The following PRR12 variants were observed in gnomAD, a reference collection of about 807,000 sequenced individuals.
The protein encoded by PRR12 is proline-rich protein 12.
A neutral mutation model predicts 138.0 loss-of-function variants in PRR12; 12 were observed. The observed-to-expected ratio is 0.09, with a 90% confidence interval of 0.06 to 0.14. The LOEUF (loss-of-function observed/expected upper bound fraction) is 0.14. PRR12 is among the 10% of genes least tolerant of loss of function. PRR12 has a pLI of 1.00. For synonymous variants in PRR12, 1,567 were observed against 1,291.7 expected (o/e 1.21, Z -4.57); for missense variants, 2,692 against 2,861.3 (o/e 0.94, Z 1.35).
Position 49,614,746 on chromosome 19 carries a change from G to GT in PRR12, c.4890+98dup. ...GTGTGGCTGTGACTCACTCCACAGT[G>GT]TATCTGGAAGGGGGCCCCCTGCTGC... On this transcript the variant is annotated intron_variant, in intron 7 of 13. Coordinates refer to ENST00000418929, the MANE Select transcript of PRR12 (RefSeq NM_020719.3). The surrounding 1 kb of genome is among the most constrained non-coding windows in gnomAD (Gnocchi z 5.0). 1 of 1,490,946 alleles carries GT rather than the reference G, an allele frequency of 6.7e-7. No homozygotes were observed. Among genetic ancestry groups the GT allele is most frequent in the Non-Finnish European group, 9.2e-7 (1 of 1,092,756 alleles). 92.4% of individuals were successfully genotyped at this position (1,490,946 alleles called of 1,614,324 possible).
chr19:49,617,949 T>C (rs1415103750), intron 9 of PRR12, among the ~76,000 whole-genome samples: 1 of 151,706 alleles, frequency 6.6e-6, no homozygotes, highest in Non-Finnish European at 1.5e-5. Flanking sequence ...AATAAAAAAA[T>C]TAGCCGGGTG....
chr19:49,609,258 T>C (rs552632801), intron 6 of PRR12, among the ~76,000 whole-genome samples: 1 of 152,218 alleles, frequency 6.6e-6, no homozygotes, highest in South Asian at 2.1e-4. Context: ...TGAGCCAAGA[T>C]TGCTCGATTG....
At position 49,614,861 on chromosome 19, in the gene PRR12, T is replaced by A. The variant is rs757368407; in HGVS notation, c.4891-15T>A. ...AGTGTGAAGAATTTCCTCATGTGCC[T>A]CTTTCTCCCCATAGTATTTGGGGTA... is the stretch of plus-strand genomic sequence containing the variant. On this transcript the variant is annotated splice_polypyrimidine_tract_variant and intron_variant, in intron 7 of 13. Transcript: ENST00000418929. The surrounding 1 kb of genome is among the most constrained non-coding windows in gnomAD (Gnocchi z 5.0). 1 of 1,613,936 alleles carries A rather than the reference T, an allele frequency of 6.2e-7. No individual in the cohort carries two copies. Among genetic ancestry groups the A allele is most frequent in the Admixed American group, 1.7e-5 (1 of 60,008 alleles).
rs762538498 is a variant in PRR12 at position 49,625,613 on chromosome 19, C to T, written c.*6C>T. The T allele has an allele frequency of 1.7e-5, 27 of 1,594,034 alleles. No homozygotes were observed. Among genetic ancestry groups the T allele is most frequent in the Non-Finnish European group, 2.2e-5 (26 of 1,169,100 alleles). ...CCCACAGCCGCTGCGGGTGACCCCG[C>T]CCCAGCTTGTGAGGGGGGCGCCTCC... On this transcript the variant is annotated 3_prime_UTR_variant, in exon 14 of 14. Coordinates refer to ENST00000418929, the MANE Select transcript of PRR12 (RefSeq NM_020719.3). The surrounding 1 kb of genome is among the most constrained non-coding windows in gnomAD (Gnocchi z 5.5).
In PRR12 at chr19:49,608,374, C is replaced by T. The variant is rs981044699; in HGVS notation, c.4774-6159C>T. The stretch of plus-strand genomic sequence containing the variant: ...TTTTTTATTTTTTGAGATGGAGTCT[C>T]GCTCTGTCACCAGGCTGGAGTGCAA... On this transcript the variant is annotated intron_variant, in intron 6 of 13. Coordinates refer to ENST00000418929, the MANE Select transcript of PRR12 (RefSeq NM_020719.3). 1.6e-4 allele frequency among the ~76,000 whole-genome samples: 25 copies of T among 152,022 alleles called. 2 individuals are homozygous for T. In the South Asian group the frequency reaches 4.4e-3, roughly 27 times the overall value.
chr19:49,596,197 G>T lies in PRR12; in HGVS notation c.1862G>T (p.Gly621Val). Residue 621 changes from glycine (G) to valine (V), a missense_variant, in exon 4 of 14, where the codon GGC (glycine) becomes GTC (valine). By Grantham distance (109) the Gly-to-Val change is moderately radical. This residue lies in a region of PRR12 where 66 missense variants were observed against 102.4 expected (regional missense o/e 0.64). Transcript: ENST00000418929. The surrounding 1 kb of genome is among the most constrained non-coding windows in gnomAD (Gnocchi z 5.6). The stretch of plus-strand genomic sequence containing the variant: ...GGTGGCTACAAGGGCAAGGGGGATG[G>T]CTCGGAGCTGCTGGCGGGCCCAGGT... The part of the protein sequence containing the change: ...GAGGYKGKGD[G>V]SELLAGPGGP... 6.2e-7 allele frequency: 1 copy of T among 1,610,670 alleles called. No homozygotes were observed.
intron 11 of PRR12, 107 bp downstream of exon 11, chr19:49,621,729 CCTT>C (rs2080924703): frequency 3.3e-6 from 3 of 911,628 alleles, no homozygotes; most frequent in Non-Finnish European, 5.1e-6. Flanking sequence ...AGGAGATCGT[CCTT>C]CTGGGCTCAG....
intron 6 of PRR12, among the ~76,000 whole-genome samples, chr19:49,610,285 T>C (rs1456605601): frequency 6.6e-6 from 1 of 152,086 alleles, no homozygotes; most frequent in Non-Finnish European, 1.5e-5. Flanking sequence ...CCTGGGACCC[T>C]GCAGTTTTCT....
Position 49,591,595 on chromosome 19 carries a change from G to C in PRR12, c.-60G>C, listed in dbSNP as rs1459241597. On this transcript the variant is annotated 5_prime_UTR_variant, in exon 1 of 14. Coordinates refer to ENST00000418929, the MANE Select transcript of PRR12 (RefSeq NM_020719.3). ...GGAGCGGCGGCGGAGGAGAGCGCGC[G>C]CGCGCCCCCTCCCTCCCTCCCTCCC... 2.2e-4 allele frequency: 100 copies of C among 458,642 alleles called. No individual in the cohort carries two copies. The highest frequency in any genetic ancestry group is 1.6e-5 in the Non-Finnish European group (4 of 251,880). The allele number at this position is 458,642 out of a possible 1,614,324, so 28.4% of individuals were successfully genotyped here.
chr19:49,595,561 C>T lies in PRR12; in HGVS notation c.1226C>T (p.Pro409Leu). The change falls in exon 4 of 14, where the codon CCC becomes CTC. Residue 409 changes from proline to leucine, a missense_variant. This residue lies in a region of PRR12 where 523 missense variants were observed against 496.4 expected (regional missense o/e 1.05). Transcript: ENST00000418929. Reference sequence around the variant, plus strand: ...GGGGGTGCCACCAGGCCCCCCCCACCCCGTTCGACCGCCACCCCCAAATGT... The same window carrying T: ...GGGGGTGCCACCAGGCCCCCCCCACTCCGTTCGACCGCCACCCCCAAATGT... ...AAGGATRPPP[P>L]RSTATPKCQS... The T allele has an allele frequency of 6.3e-7, 1 of 1,590,634 alleles. No individual in the cohort carries two copies. The highest frequency in any genetic ancestry group is 8.5e-7 in the Non-Finnish European group (1 of 1,169,700).
chr19:49,597,805 G>C lies in PRR12; in HGVS notation c.3470G>C (p.Arg1157Pro), dbSNP rs376473940. 2 of 1,558,700 alleles carry C rather than the reference G, an allele frequency of 1.3e-6. No individual in the cohort carries two copies. Among genetic ancestry groups the C allele is most frequent in the Non-Finnish European group, 1.7e-6 (2 of 1,153,410 alleles). ...PGPDGPRRRG[R>P]KPTKAKRDGP... ...CCCGATGGCCCCCGGCGCCGTGGCC[G>C]CAAGCCCACGAAGGCGAAACGTGAT... is the stretch of plus-strand genomic sequence containing the variant. The change falls in exon 4 of 14, where the codon CGC (arginine) becomes CCC (proline). Residue 1157 changes from arginine (R) to proline (P), a missense_variant. This residue lies in a region of PRR12 where 326 missense variants were observed against 344.2 expected (regional missense o/e 0.95). Transcript: ENST00000418929. The surrounding 1 kb of genome is among the most constrained non-coding windows in gnomAD (Gnocchi z 6.3).
rs2080785030 is a variant in PRR12 at position 49,597,829 on chromosome 19, A to T, written c.3494A>T (p.Asp1165Val). 3 of 1,522,012 alleles carry T rather than the reference A, an allele frequency of 2.0e-6. No homozygotes were observed. Among genetic ancestry groups the T allele is most frequent in the Non-Finnish European group, 2.6e-6 (3 of 1,135,642 alleles). 94.3% of individuals were successfully genotyped at this position (1,522,012 alleles called of 1,614,324 possible). A position where few individuals can be genotyped will look rare whatever the true frequency, so the allele number is the denominator to read the frequency against. The change falls in exon 4 of 14, where the codon GAT (aspartate) becomes GTT (valine). Residue 1165 changes from aspartate (D) to valine (V), a missense_variant. Asp to Val is a radical substitution (Grantham distance 152). Around this residue, in one of 11 missense-constraint regions of PRR12, gnomAD observed 326 missense variants for 344.2 expected, o/e 0.95. Transcript: ENST00000418929. This position sits in a 1 kb window ranked among gnomAD's most constrained non-coding sequence, Gnocchi z 6.3. ...CGCAAGCCCACGAAGGCGAAACGTG[A>T]TGGGCCACCCCGGCCACGGGGGAGG... ...RGRKPTKAKRDGPPRPRGRPR... is the reference protein window; with the variant it reads ...RGRKPTKAKRVGPPRPRGRPR...
At chr19:49,603,761 A>T (rs1249483826) in intron 6 of PRR12, among the ~76,000 whole-genome samples, 1 of 152,160 alleles carries the variant, frequency 6.6e-6, no homozygotes, top group South Asian at 2.1e-4. Context: ...TCGATGTGAC[A>T]TGGAGAAATT....
At chr19:49,620,619 C>G in intron 10 of PRR12, 142 bp downstream of exon 10, 7 of 1,274,806 alleles carry the variant, frequency 5.5e-6, no homozygotes, top group African/African-American at 1.5e-5. Flanking sequence ...AGGCCTGGAC[C>G]TGGGTCTGAG....
intron 9 of PRR12, among the ~76,000 whole-genome samples, chr19:49,619,224 G>GTTTTTTTTTTT (rs34027784): frequency 1.3e-5 from 1 of 79,768 alleles, no homozygotes; most frequent in Non-Finnish European, 2.3e-5. Flanking sequence ...CCTCCTGTGA[G>GTTTTTTTTTTT]TTTTTTTTTT....
In PRR12 at chr19:49,591,549, GA is replaced by G. The variant is rs998907763; in HGVS notation, c.-98del. On this transcript the variant is annotated 5_prime_UTR_variant, in exon 1 of 14. Transcript: ENST00000418929. ...AAAAAAAGAGAGAGAGAAAAGGGGG[GA>G]AAAAAAAGCAGCAGCGGAGGGAGCG... is the stretch of plus-strand genomic sequence containing the variant. The G allele has an allele frequency of 4.8e-5, 31 of 648,548 alleles. No individual in the cohort carries two copies. The highest frequency in any genetic ancestry group is 6.4e-5 in the Non-Finnish European group (27 of 421,394). The allele number at this position is 648,548 out of a possible 1,614,324, so 40.2% of individuals were successfully genotyped here.
Position 49,591,453 on chromosome 19 carries a change from T to C in PRR12, c.-202T>C, listed in dbSNP as rs1266166382. ...GGCTCAGCGACTGCACCCCCTCCCT[T>C]GCCCGCCCCTCCGCCCCTGCCCCCT... is the stretch of plus-strand genomic sequence containing the variant. On this transcript the variant is annotated 5_prime_UTR_variant, in exon 1 of 14. Coordinates refer to ENST00000418929, the MANE Select transcript of PRR12 (RefSeq NM_020719.3). Among the ~76,000 whole-genome samples, 4 of 136,884 alleles carry C rather than the reference T, an allele frequency of 2.9e-5. No homozygotes were observed. The highest frequency in any genetic ancestry group is 1.1e-4 in the African/African-American group (4 of 36,498). 89.8% of individuals were successfully genotyped at this position (136,884 alleles called of 152,430 possible). A position where few individuals can be genotyped will look rare whatever the true frequency, so the allele number is the denominator to read the frequency against.
chr19:49,608,775 T>A (rs1381232367), intron 6 of PRR12, among the ~76,000 whole-genome samples: 1 of 151,544 alleles, frequency 6.6e-6, no homozygotes, highest in Non-Finnish European at 1.5e-5. Context: ...AGGAAGTTGA[T>A]GTTGTAGTGA....
chr19:49,596,837 GC>G lies in PRR12; in HGVS notation c.2504del (p.Pro835HisfsTer65). 1 of 1,591,192 alleles carries G rather than the reference GC, an allele frequency of 6.3e-7. No individual in the cohort carries two copies. The highest frequency in any genetic ancestry group is 8.5e-7 in the Non-Finnish European group (1 of 1,175,152). ...CAGCCACCCGCGATGGGGCACCCCA[GC>G]CACCTCCACCGCCACCCCCGCCTCC... is the stretch of plus-strand genomic sequence containing the variant. ...EPATRDGAPQ[P>X]PPPPPPPPPP... On this transcript the variant is annotated frameshift_variant, in exon 4 of 14. Coordinates refer to ENST00000418929, the MANE Select transcript of PRR12 (RefSeq NM_020719.3). LOFTEE classifies it high-confidence loss of function. This position sits in a 1 kb window ranked among gnomAD's most constrained non-coding sequence, Gnocchi z 5.6.
Sources: gnomAD v4.1 joint callset for allele counts (sites outside exome capture counted in the v4.1 genomes callset) on GRCh38, gnomAD v4.1.1 for gene constraint, gnomAD v4.1.1 regional missense constraint, Gnocchi (gnomAD v3.1) non-coding constraint, MANE v1.5 for transcripts, NCBI Gene and HGNC (gene_info 2026-07-23, HGNC 2026-07-21) for gene names.